FUT6: variants seen among roughly 807,000 people sequenced by gnomAD.
FUT6 encodes the protein 4-galactosyl-N-acetylglucosaminide 3-alpha-L-fucosyltransferase FUT6.
For missense variants in FUT6, 454 were observed against 494.6 expected (o/e 0.92, Z 0.78); for synonymous variants, 187 against 209.9 (o/e 0.89, Z 0.94).
intron 2 of FUT6, among the ~76,000 whole-genome samples, chr19:5,833,279 G>C (rs1023452667): frequency 1.3e-5 from 2 of 152,034 alleles, no homozygotes; most frequent in African/African-American, 4.8e-5. Context: ...GGCAGATCAC[G>C]AGGTCAAGAG....
intron 1 of FUT6, among the ~76,000 whole-genome samples, chr19:5,836,216 C>CTTTTCTTTTCTTTTG (rs139999431): frequency 0.31 from 46,619 of 150,512 alleles, 7,584 homozygotes; most frequent in East Asian, 0.47. Context: ...ATTTTCTTTT[C>CTTTTCTTTTCTTTTG]TTTTCTTTTC....
intron 1 of FUT6, among the ~76,000 whole-genome samples, chr19:5,836,861 T>G (rs1568408656): frequency 6.6e-6 from 1 of 151,118 alleles, no homozygotes; most frequent in African/African-American, 2.4e-5. Context: ...AATAAATAAA[T>G]AAATAACAAC....
rs1444025506 is a variant in FUT6 at position 5,832,169 on chromosome 19, C to G, written c.399G>C (p.Trp133Cys). The part of the protein sequence containing the change: ...SPRRQGQRWI[W>C]FSMESPSHCW... ...AGTGGCTTGGGGACTCCATGCTGAA[C>G]CAGATCCATCGCTGCCCCTGCCGCC... is the stretch of plus-strand genomic sequence containing the variant. The change falls in exon 3 of 3, where the codon TGG (tryptophan) becomes TGC (cysteine). Residue 133 changes from tryptophan (W) to cysteine (C), a missense_variant. Coordinates refer to ENST00000318336, the MANE Select transcript of FUT6 (RefSeq NM_000150.4). This position sits in a 1 kb window ranked among gnomAD's most constrained non-coding sequence, Gnocchi z 4.3. The G allele has an allele frequency of 6.2e-7, 1 of 1,613,840 alleles. No homozygotes were observed. The highest frequency in any genetic ancestry group is 8.5e-7 in the Non-Finnish European group (1 of 1,180,026).
rs781384523 is a variant in FUT6 at position 5,831,924 on chromosome 19, T to G, written c.644A>C (p.His215Pro). The change falls in exon 3 of 3, where the codon CAT (histidine) becomes CCT (proline). Residue 215 changes from histidine (H) to proline (P), a missense_variant. By Grantham distance (77) the His-to-Pro change is moderately conservative. Transcript: ENST00000318336. This position sits in a 1 kb window ranked among gnomAD's most constrained non-coding sequence, Gnocchi z 7.0. ...RVRYYQSLQAHLKVDVYGRSH... is the reference protein window; with the variant it reads ...RVRYYQSLQAPLKVDVYGRSH... ...GCGTCCGTACACGTCCACCTTGAGA[T>G]GGGCCTGCAGGCTCTGGTAGTAGCG... 4 of 1,613,810 alleles carry G rather than the reference T, an allele frequency of 2.5e-6. No homozygotes were observed. Among genetic ancestry groups the G allele is most frequent in the Non-Finnish European group, 3.4e-6 (4 of 1,179,866 alleles).
At position 5,839,496 on chromosome 19, in the gene FUT6, T is replaced by G. The variant is rs1389864051; in HGVS notation, c.-960A>C. ...AAGGCAATAGGGAGCCATGTGAGGC[T>G]TCAAGCAGAGGGGTTACCATGTCGA... is the stretch of plus-strand genomic sequence containing the variant. On this transcript the variant is annotated 5_prime_UTR_variant, in exon 1 of 3. Coordinates refer to ENST00000318336, the MANE Select transcript of FUT6 (RefSeq NM_000150.4). The G allele has an allele frequency of 6.6e-6, 1 of 152,118 alleles. No homozygotes were observed. The highest frequency in any genetic ancestry group is 1.9e-4 in the East Asian group (1 of 5,170). The allele number at this position is 152,118 out of a possible 1,614,324, so 9.4% of individuals were successfully genotyped here.
At position 5,831,892 on chromosome 19, in the gene FUT6, T is replaced by C; in HGVS notation, c.676A>G (p.Lys226Glu). ...ATCATGGTTCCCTGGGGCAGGGGCT[T>C]GTGGGAGCGTCCGTACACGTCCACC... Reference protein sequence around the residue: ...LKVDVYGRSHKPLPQGTMMET... With the variant: ...LKVDVYGRSHEPLPQGTMMET... Residue 226 changes from lysine to glutamate, a missense_variant, in exon 3 of 3, where the codon AAG becomes GAG. Lys to Glu is a moderately conservative substitution (Grantham distance 56). Transcript: ENST00000318336. The surrounding 1 kb of genome is among the most constrained non-coding windows in gnomAD (Gnocchi z 7.0). The C allele has an allele frequency of 1.2e-6, 2 of 1,613,824 alleles. No homozygotes were observed. Among genetic ancestry groups the C allele is most frequent in the South Asian group, 1.1e-5 (1 of 91,060 alleles).
Position 5,834,967 on chromosome 19 carries a change from A to T in FUT6, c.-30T>A, listed in dbSNP as rs1320006147. 1.4e-4 allele frequency: 21 copies of T among 152,264 alleles called. No homozygotes were observed. Among genetic ancestry groups the T allele is most frequent in the Admixed American group, 1.4e-3 (21 of 15,272 alleles). The allele number at this position is 152,264 out of a possible 1,614,324, so 9.4% of individuals were successfully genotyped here. A position where few individuals can be genotyped will look rare whatever the true frequency, so the allele number is the denominator to read the frequency against. The stretch of plus-strand genomic sequence containing the variant: ...ATAAGGACCTGCTGCCGCTCCCTGG[A>T]CACTGCTGCGTCTGACACCTTCTGG... On this transcript the variant is annotated 5_prime_UTR_variant, in exon 2 of 3. Coordinates refer to ENST00000318336, the MANE Select transcript of FUT6 (RefSeq NM_000150.4).
At chr19:5,835,108 T>C (rs899734445) in intron 1 of FUT6, 31 bp from the exon 2 acceptor site, 1 of 152,206 alleles carries the variant, frequency 6.6e-6, no homozygotes, top group African/African-American at 2.4e-5. Flanking sequence ...AAGGGGACTG[T>C]GTCCGTGAAC....
At chr19:5,836,252 G>A (rs2057178597) in intron 1 of FUT6, among the ~76,000 whole-genome samples, 1 of 132,074 alleles carries the variant, frequency 7.6e-6, no homozygotes, top group South Asian at 2.4e-4. Flanking sequence ...TTTCACTTTT[G>A]TTGCCCAGGC....
intron 1 of FUT6, among the ~76,000 whole-genome samples, chr19:5,836,600 G>T (rs1367056995): frequency 6.6e-6 from 1 of 152,220 alleles, no homozygotes; most frequent in Non-Finnish European, 1.5e-5. Flanking sequence ...CGGCTGAGGT[G>T]GGAGGATCGC....
chr19:5,832,370 C>T lies in FUT6; in HGVS notation c.198G>A (p.Leu66=). ...TGGGTTTGTTAAAAGGCCACGTCCA[C>T]AGCAGGATCAGGGGGATGGAGTGGG... The part of the protein sequence containing the change: ...TPAHSIPLIL[L]WTWPFNKPIA... Residue 66 remains leucine, a synonymous_variant, in exon 3 of 3, where the codon CTG becomes CTA. Transcript: ENST00000318336. This position sits in a 1 kb window ranked among gnomAD's most constrained non-coding sequence, Gnocchi z 4.3. 2.5e-6 allele frequency: 4 copies of T among 1,614,090 alleles called. No homozygotes were observed. The highest frequency in any genetic ancestry group is 3.4e-6 in the Non-Finnish European group (4 of 1,180,024).
In FUT6 at chr19:5,832,034, A is replaced by C. The variant is rs753268568; in HGVS notation, c.534T>G (p.Pro178=). The C allele has an allele frequency of 1.7e-5, 28 of 1,613,576 alleles. No individual in the cohort carries two copies. The South Asian group carries it at 3.0e-4, about 17-fold the overall frequency. ...YGWLEPWSGQ[P]AHPPLNLSAK... ...CCGAGAGGTTGAGCGGTGGGTGGGC[A>C]GGCTGGCCGGACCACGGCTCCAGCC... Residue 178 remains proline (P), a synonymous_variant, in exon 3 of 3, where the codon CCT becomes CCG. Transcript: ENST00000318336. The surrounding 1 kb of genome is among the most constrained non-coding windows in gnomAD (Gnocchi z 4.3).
chr19:5,832,198 G>A lies in FUT6; in HGVS notation c.370C>T (p.Pro124Ser), dbSNP rs778805. 569,658 of 1,613,530 alleles carry A rather than the reference G, an allele frequency of 0.35. 107,428 individuals are homozygous for A. Among genetic ancestry groups the A allele is most frequent in the African/African-American group, 0.6 (45,170 of 74,900 alleles). The stretch of plus-strand genomic sequence containing the variant: ...ATCCATCGCTGCCCCTGCCGCCTCG[G>A]GGAGCGTGGGAGCTGGGCACTGGGG... Reference protein sequence around the residue: ...YNPSAQLPRSPRRQGQRWIWF... With the variant: ...YNPSAQLPRSSRRQGQRWIWF... Residue 124 changes from proline to serine, a missense_variant, in exon 3 of 3, where the codon CCG (proline) becomes TCG (serine). Transcript: ENST00000318336. The surrounding 1 kb of genome is among the most constrained non-coding windows in gnomAD (Gnocchi z 4.3).
intron 1 of FUT6, among the ~76,000 whole-genome samples, chr19:5,837,548 T>A (rs1202381399): frequency 6.6e-6 from 1 of 151,808 alleles, no homozygotes; most frequent in Non-Finnish European, 1.5e-5. Flanking sequence ...GCGAATCACC[T>A]GAGGTCAGGA....
At chr19:5,835,404 C>T (rs1361082730) in intron 1 of FUT6, among the ~76,000 whole-genome samples, 1 of 152,204 alleles carries the variant, frequency 6.6e-6, no homozygotes, top group African/African-American at 2.4e-5. Context: ...ACCCCAAAGT[C>T]TCCCCACCTT....
intron 1 of FUT6, chr19:5,837,904 A>C (rs2057202978): frequency 6.6e-6 from 1 of 152,240 alleles, no homozygotes. Context: ...AAGTTCTGGA[A>C]AAAGACTCAA....
At position 5,831,664 on chromosome 19, in the gene FUT6, C is replaced by T; in HGVS notation, c.904G>A (p.Ala302Thr). 6.2e-6 allele frequency: 10 copies of T among 1,612,708 alleles called. No homozygotes were observed. Among genetic ancestry groups the T allele is most frequent in the Non-Finnish European group, 8.5e-6 (10 of 1,179,856 alleles). ...TTGTCCAGCTCCTGCAGGTACCGGG[C>T]CAGGTCCTTGGGGCTCTGGAAGTCG... ...VDDFQSPKDL[A>T]RYLQELDKDH... Residue 302 changes from alanine to threonine, a missense_variant, in exon 3 of 3, where the codon GCC (alanine) becomes ACC (threonine). Physicochemically the swap from Ala to Thr is moderately conservative, Grantham distance 58. Transcript: ENST00000318336. This position sits in a 1 kb window ranked among gnomAD's most constrained non-coding sequence, Gnocchi z 7.0.
chr19:5,837,160 C>T (rs1033519011), intron 1 of FUT6, among the ~76,000 whole-genome samples: 1 of 151,946 alleles, frequency 6.6e-6, no homozygotes, highest in Non-Finnish European at 1.5e-5. Context: ...GCCTCAGCCT[C>T]CCAAGTAGCT....
In FUT6 at chr19:5,839,146, A is replaced by G. The variant is rs992578989; in HGVS notation, c.-610T>C. The G allele has an allele frequency of 6.6e-6, 1 of 152,068 alleles. No individual in the cohort carries two copies. Among genetic ancestry groups the G allele is most frequent in the African/African-American group, 2.4e-5 (1 of 41,396 alleles). The allele number at this position is 152,068 out of a possible 1,614,324, so 9.4% of individuals were successfully genotyped here. A position where few individuals can be genotyped will look rare whatever the true frequency, so the allele number is the denominator to read the frequency against. On this transcript the variant is annotated 5_prime_UTR_variant, in exon 1 of 3. Coordinates refer to ENST00000318336, the MANE Select transcript of FUT6 (RefSeq NM_000150.4). ...CCTTCCCACCAGATCCCACCTTCTC[A>G]CTCAGTTGGCCCATCACCAAATATT...
Sources: gnomAD v4.1 joint callset for allele counts (sites outside exome capture counted in the v4.1 genomes callset) on GRCh38, gnomAD v4.1.1 for gene constraint, Gnocchi (gnomAD v3.1) non-coding constraint, MANE v1.5 for transcripts, NCBI Gene and HGNC (gene_info 2026-07-23, HGNC 2026-07-21) for gene names.